The following PLAC8L1 variants were observed in gnomAD, a reference collection of about 807,000 sequenced individuals.
The protein encoded by PLAC8L1 is PLAC8 like 1, also known as PLAC8-like protein 1.
Under a neutral mutation model 16.3 loss-of-function variants are expected in PLAC8L1, and 13 were observed. The ratio of observed to expected loss-of-function variants is 0.80; its 90% CI spans 0.52 to 1.27. The LOEUF is 1.27. PLAC8L1 is among the 50% of genes most tolerant of loss of function. The probability of loss-of-function intolerance (pLI) is 0.00; values close to 1 mark genes in which losing one functional copy is unlikely to be tolerated. For synonymous variants in PLAC8L1, 78 were observed against 79.3 expected (o/e 0.98, Z 0.09); for missense variants, 184 against 220.2 (o/e 0.84, Z 1.04).
chr5:146,094,234 C>T (rs1373111102), intron 2 of PLAC8L1, among the ~76,000 whole-genome samples: 1 of 152,162 alleles, frequency 6.6e-6, no homozygotes, highest in African/African-American at 2.4e-5. Flanking sequence ...AGGCATGTAC[C>T]ACCATGCCCA....
intron 1 of PLAC8L1, 79 bp from the exon 2 acceptor site, chr5:146,098,371 A>T (rs1403441671): frequency 1.4e-6 from 2 of 1,464,320 alleles, no homozygotes; most frequent in Admixed American, 3.9e-5. Flanking sequence ...TCAGAACCAT[A>T]AAGAAGAGAT....
chr5:146,087,528 A>T (rs991230432), intron 2 of PLAC8L1, among the ~76,000 whole-genome samples: 12 of 152,092 alleles, frequency 7.9e-5, no homozygotes, highest in Non-Finnish European at 1.5e-4. Flanking sequence ...TTATGTATTG[A>T]TTGATTTTGA....
chr5:146,088,640 A>G (rs1763562040), intron 2 of PLAC8L1, among the ~76,000 whole-genome samples: 1 of 152,212 alleles, frequency 6.6e-6, no homozygotes, highest in African/African-American at 2.4e-5. Context: ...TATTTCATCT[A>G]TTTGGAAGTC....
rs1236367131 is a variant in PLAC8L1, at chr5:146,099,777, T to G, written c.120-1485A>C. ...CCTAACTACCCTTAAGACAACATCC[T>G]GGGGGCATCTTGGAAACAGCTGTGG... On this transcript the variant is annotated intron_variant, in intron 1 of 3. Coordinates refer to ENST00000311450, the MANE Select transcript of PLAC8L1 (RefSeq NM_001029869.3). 3.3e-5 allele frequency among the ~76,000 whole-genome samples: 5 copies of G among 151,872 alleles called. No individual in the cohort carries two copies. The East Asian group carries it at 7.7e-4, about 23-fold the overall frequency.
rs572265316 is a variant in PLAC8L1 at position 146,101,979 on chromosome 5, ATAAC to A, written c.119+2210_119+2213del. ...CTGTATTCTATCCATTCCAAATCAA[ATAAC>A]TAACAGGATAGCTTTTCCTTAATGG... On this transcript the variant is annotated intron_variant, in intron 1 of 3. Coordinates refer to ENST00000311450, the MANE Select transcript of PLAC8L1 (RefSeq NM_001029869.3). Among the ~76,000 whole-genome samples, 47 of 151,822 alleles carry A rather than the reference ATAAC, an allele frequency of 3.1e-4. No individual in the cohort carries two copies. In the East Asian group the frequency reaches 8.5e-3, roughly 28 times the overall value.
At chr5:146,100,884 G>A (rs1333098818) in intron 1 of PLAC8L1, among the ~76,000 whole-genome samples, 2 of 152,162 alleles carry the variant, frequency 1.3e-5, no homozygotes, top group Non-Finnish European at 2.9e-5. Flanking sequence ...AGTTGTAGGG[G>A]TGAGATCCTG....
intron 2 of PLAC8L1, among the ~76,000 whole-genome samples, chr5:146,092,774 G>A (rs1472688933): frequency 1.3e-5 from 2 of 152,046 alleles, no homozygotes; most frequent in Admixed American, 1.3e-4. Flanking sequence ...CTGACCTTGT[G>A]ATCTGCCCGC....
chr5:146,094,922 GAGA>G (rs1763685264), intron 2 of PLAC8L1, among the ~76,000 whole-genome samples: 1 of 152,224 alleles, frequency 6.6e-6, no homozygotes, highest in South Asian at 2.1e-4. Flanking sequence ...GAACAGTCAT[GAGA>G]AGAAGCTCTC....
At chr5:146,087,202 T>C (rs551463097) in intron 2 of PLAC8L1, among the ~76,000 whole-genome samples, 159 of 152,242 alleles carry the variant, frequency 1.0e-3, no homozygotes, top group Non-Finnish European at 2.0e-3. Context: ...TGTGAATCTG[T>C]CTCTTTTTTT....
chr5:146,086,165 G>A (rs1473855015), intron 2 of PLAC8L1, among the ~76,000 whole-genome samples: 1 of 149,374 alleles, frequency 6.7e-6, no homozygotes, highest in East Asian at 2.0e-4. Flanking sequence ...AAGTAGCTGG[G>A]ACTACAGGCG....
chr5:146,095,093 CA>C (rs1362278480), intron 2 of PLAC8L1, among the ~76,000 whole-genome samples: 2 of 152,208 alleles, frequency 1.3e-5, no homozygotes, highest in Non-Finnish European at 2.9e-5. Context: ...CTCAGAATTA[CA>C]GTGCAGATAA....
At chr5:146,085,407 G>T in intron 3 of PLAC8L1, 54 bp downstream of exon 3, 1 of 1,547,024 alleles carries the variant, frequency 6.5e-7, no homozygotes, top group Non-Finnish European at 8.8e-7. Flanking sequence ...GGTTTGGAAG[G>T]CATCTAGGTT....
rs1763893639 is a variant in PLAC8L1 at position 146,105,461 on chromosome 5, G to A, written c.-1150C>T. On this transcript the variant is annotated 5_prime_UTR_variant, in exon 1 of 4. Coordinates refer to ENST00000311450, the MANE Select transcript of PLAC8L1 (RefSeq NM_001029869.3). ...TTCTGCTTACTACTCTATTCCAAGT[G>A]CTGACCACAGTGTCTGGCACATAAA... is the stretch of plus-strand genomic sequence containing the variant. Among the ~76,000 whole-genome samples the A allele has an allele frequency of 6.6e-6, 1 of 151,180 alleles. No individual in the cohort carries two copies. The highest frequency in any genetic ancestry group is 1.5e-5 in the Non-Finnish European group (1 of 67,946).
At chr5:146,091,033 G>A (rs758251188) in intron 2 of PLAC8L1, among the ~76,000 whole-genome samples, 2 of 151,318 alleles carry the variant, frequency 1.3e-5, no homozygotes, top group African/African-American at 2.4e-5. Flanking sequence ...CAGCCCGAGC[G>A]ACAAGAGCAA....
intron 2 of PLAC8L1, among the ~76,000 whole-genome samples, chr5:146,093,419 C>T (rs1763655403): frequency 6.6e-6 from 1 of 152,148 alleles, no homozygotes; most frequent in African/African-American, 2.4e-5. Flanking sequence ...AATGAGCCCT[C>T]CTCCCTGGAA....
At chr5:146,085,381 T>C (rs1036461251) in intron 3 of PLAC8L1, 80 bp downstream of exon 3, 1 of 1,466,856 alleles carries the variant, frequency 6.8e-7, no homozygotes, top group African/African-American at 1.4e-5. Context: ...ACCCTTCTTT[T>C]ATTTGGAAAA....
intron 1 of PLAC8L1, among the ~76,000 whole-genome samples, chr5:146,100,894 G>A (rs1467066156): frequency 6.6e-6 from 1 of 152,120 alleles, no homozygotes; most frequent in African/African-American, 2.4e-5. Context: ...GTGAGATCCT[G>A]ATTCAGTAAG....
chr5:146,091,045 ACT>A (rs1014942281), intron 2 of PLAC8L1, among the ~76,000 whole-genome samples: 3 of 149,246 alleles, frequency 2.0e-5, no homozygotes, highest in Admixed American at 2.0e-4. Context: ...CAAGAGCAAA[ACT>A]CTGTCTCGAA....
intron 2 of PLAC8L1, among the ~76,000 whole-genome samples, chr5:146,093,119 CT>C (rs1042859187): frequency 6.6e-6 from 1 of 151,132 alleles, no homozygotes; most frequent in Non-Finnish European, 1.5e-5. Context: ...GCTGTTTTTT[CT>C]TTTATAGTTT....
Sources: gnomAD v4.1 joint callset for allele counts (sites outside exome capture counted in the v4.1 genomes callset) on GRCh38, gnomAD v4.1.1 for gene constraint, MANE v1.5 for transcripts, NCBI Gene and HGNC (gene_info 2026-07-23, HGNC 2026-07-21) for gene names.